The following BCL2L13 variants were observed in gnomAD, a reference collection of about 807,000 sequenced individuals.
BCL2L13 encodes BCL2 like 13, also known as bcl-2-like protein 13.
BCL2L13 carries 13 observed loss-of-function variants against 25.8 expected under a neutral mutation model. That is an observed-to-expected ratio of 0.50 (90% CI 0.33 to 0.80). The LOEUF (loss-of-function observed/expected upper bound fraction) is 0.80. BCL2L13 is among the 30% of genes least tolerant of loss of function. The pLI is 0.02. For missense variants in BCL2L13, 504 were observed against 574.9 expected, an observed-to-expected ratio of 0.88 and a Z score of 1.26; for synonymous variants, 244 against 230.3, an observed-to-expected ratio of 1.06 and a Z score of -0.54.
intron 1 of BCL2L13, among the ~76,000 whole-genome samples, chr22:17,652,662 C>T (rs2058724951): frequency 6.6e-6 from 1 of 152,164 alleles, no homozygotes; most frequent in African/African-American, 2.4e-5. Flanking sequence ...TGATCTTGAA[C>T]TCCTGGCCTC....
At chr22:17,692,920 G>T (rs575829541) in intron 4 of BCL2L13, among the ~76,000 whole-genome samples, 1 of 152,072 alleles carries the variant, frequency 6.6e-6, no homozygotes, top group African/African-American at 2.4e-5. Context: ...GAGCTATTTT[G>T]GATTGTTTTT....
chr22:17,677,568 C>G (rs1488595825), intron 2 of BCL2L13, among the ~76,000 whole-genome samples: 6 of 151,916 alleles, frequency 3.9e-5, no homozygotes, highest in Non-Finnish European at 8.8e-5. Context: ...TTTGTCTCTA[C>G]CAAAAAAAAG....
At chr22:17,674,619 A>AAAAG (rs1357708919) in intron 2 of BCL2L13, among the ~76,000 whole-genome samples, 1 of 146,552 alleles carries the variant, frequency 6.8e-6, no homozygotes, top group Non-Finnish European at 1.5e-5. Flanking sequence ...AAAAAAAAAA[A>AAAAG]AAAGAAAGAA....
At chr22:17,676,335 C>T (rs1193512895) in intron 2 of BCL2L13, among the ~76,000 whole-genome samples, 4 of 152,050 alleles carry the variant, frequency 2.6e-5, no homozygotes, top group African/African-American at 7.2e-5. Flanking sequence ...TGGTGGCACA[C>T]GCCTGTACTC....
chr22:17,683,963 C>T (rs1212958812), intron 3 of BCL2L13, among the ~76,000 whole-genome samples: 1 of 151,734 alleles, frequency 6.6e-6, no homozygotes, highest in African/African-American at 2.4e-5. Context: ...GTGTAAGCCA[C>T]CATGCCTGGC....
chr22:17,724,269 A>G (rs1199740000), intron 6 of BCL2L13, among the ~76,000 whole-genome samples: 1 of 152,032 alleles, frequency 6.6e-6, no homozygotes, highest in Non-Finnish European at 1.5e-5. Context: ...CGAGACCCCA[A>G]CTCTAAAAAT....
chr22:17,644,534 G>T (rs35709877), intron 1 of BCL2L13, among the ~76,000 whole-genome samples: 1 of 150,920 alleles, frequency 6.6e-6, no homozygotes, highest in Non-Finnish European at 1.5e-5. Flanking sequence ...GTTTCACCAC[G>T]TTGGCCAGGA....
chr22:17,718,042 T>C (rs1377312900), intron 6 of BCL2L13, among the ~76,000 whole-genome samples: 1 of 151,738 alleles, frequency 6.6e-6, no homozygotes, highest in African/African-American at 2.4e-5. Flanking sequence ...AGCTGTGTTC[T>C]CGCCACAGCA....
intron 1 of BCL2L13, among the ~76,000 whole-genome samples, chr22:17,654,578 A>G (rs1274768843): frequency 6.6e-6 from 1 of 151,572 alleles, no homozygotes; most frequent in African/African-American, 2.4e-5. Flanking sequence ...GCCCGCCATC[A>G]CGCCCGGCTA....
chr22:17,655,398 G>T (rs933270564), intron 1 of BCL2L13, among the ~76,000 whole-genome samples: 1 of 146,778 alleles, frequency 6.8e-6, no homozygotes, highest in African/African-American at 2.5e-5. Context: ...CAAGTATTAT[G>T]TACTGCATGT....
intron 3 of BCL2L13, chr22:17,684,716 A>C: frequency 2.7e-6 from 1 of 368,162 alleles, no homozygotes; most frequent in Non-Finnish European, 5.3e-6. Context: ...GGTATGTGCC[A>C]CCAAACCTGG....
upstream of BCL2L13, among the ~76,000 whole-genome samples, chr22:17,635,805 G>C (rs1601434737): frequency 6.6e-6 from 1 of 151,896 alleles, no homozygotes; most frequent in African/African-American, 2.4e-5. Context: ...CGCCTCCCGG[G>C]TTCAAGTGAT....
chr22:17,636,666 GGT>G (rs1416180351), upstream of BCL2L13, among the ~76,000 whole-genome samples: 1 of 151,826 alleles, frequency 6.6e-6, no homozygotes, highest in African/African-American at 2.4e-5. Context: ...TGTGGTGGTG[GGT>G]GCCTGTAATC....
chr22:17,649,773 G>C (rs1391696614), intron 1 of BCL2L13, among the ~76,000 whole-genome samples: 1 of 152,026 alleles, frequency 6.6e-6, no homozygotes, highest in African/African-American at 2.4e-5. Context: ...AAAGTGCTGG[G>C]ATTACAGGCG....
At chr22:17,707,117 G>C (rs1307055420) in intron 6 of BCL2L13, among the ~76,000 whole-genome samples, 1 of 152,174 alleles carries the variant, frequency 6.6e-6, no homozygotes, top group East Asian at 1.9e-4. Context: ...ACACAGGGAT[G>C]ATCTGAAATT....
chr22:17,727,767 G>C lies in BCL2L13; in HGVS notation c.*233G>C. On this transcript the variant is annotated 3_prime_UTR_variant, in exon 7 of 7. Transcript: ENST00000317582. ...TCATGCTAAATTGAGAATCTTAGGGGTAAAGCACCCCCTCCAGGACCGGGT... is the reference window on the plus strand; with the variant it reads ...TCATGCTAAATTGAGAATCTTAGGGCTAAAGCACCCCCTCCAGGACCGGGT... 1 of 593,266 alleles carries C rather than the reference G, an allele frequency of 1.7e-6. No individual in the cohort carries two copies. 36.8% of individuals were successfully genotyped at this position (593,266 alleles called of 1,614,324 possible).
chr22:17,672,196 A>G (rs887925837), intron 2 of BCL2L13, among the ~76,000 whole-genome samples: 2 of 152,266 alleles, frequency 1.3e-5, no homozygotes, highest in Non-Finnish European at 2.9e-5. Context: ...TGCTAAAACA[A>G]AGATCATGGA....
intron 1 of BCL2L13, among the ~76,000 whole-genome samples, chr22:17,643,111 C>G (rs1419615909): frequency 6.6e-6 from 1 of 152,152 alleles, no homozygotes; most frequent in African/African-American, 2.4e-5. Context: ...ATGCCAACTG[C>G]TGAGTGAAAA....
In BCL2L13 at chr22:17,689,135, C is replaced by G. The variant is rs1463435958; in HGVS notation, c.379C>G (p.Leu127Val). 2 of 1,613,922 alleles carry G rather than the reference C, an allele frequency of 1.2e-6. No individual in the cohort carries two copies. ...EPLHKALQML[L>V]SQPVTYQAFR... ...TCTCCATAAAGCATTGCAAATGCTC[C>G]TGAGCCAGTGAGTTACACTGCTGAG... The change falls in exon 4 of 7, where the codon CTG becomes GTG. Residue 127 changes from leucine (L) to valine (V), a missense_variant. Leu to Val is a conservative substitution (Grantham distance 32). Transcript: ENST00000317582.
Sources: allele counts gnomAD v4.1 joint callset (sites outside exome capture counted in the v4.1 genomes callset), GRCh38; gene constraint gnomAD v4.1.1; transcripts MANE v1.5; gene names NCBI Gene and HGNC (gene_info 2026-07-23, HGNC 2026-07-21).